Variants in TLN2 observed in about 807,000 individuals in gnomAD.
The protein encoded by TLN2 is talin 2.
TLN2 carries 118 observed loss-of-function variants against 294.7 expected under a neutral mutation model. The ratio of observed to expected loss-of-function variants is 0.40; its 90% CI spans 0.34 to 0.47. The LOEUF (loss-of-function observed/expected upper bound fraction) is 0.47. Among genes scored for constraint, TLN2 ranks in the 20% least tolerant of loss-of-function variants. The pLI is 0.84. For missense variants in TLN2, 3,083 were observed against 3,282.2 expected, an observed-to-expected ratio of 0.94 and a Z score of 1.48; for synonymous variants, 1,431 against 1,304.5, an observed-to-expected ratio of 1.10 and a Z score of -2.09.
Position 62,800,379 on chromosome 15 carries a change from C to A in TLN2, c.6246C>A (p.Ile2082=), listed in dbSNP as rs536257910. 2.5e-6 allele frequency: 4 copies of A among 1,613,814 alleles called. No homozygotes were observed. Among genetic ancestry groups the A allele is most frequent in the Non-Finnish European group, 2.5e-6 (3 of 1,179,974 alleles). ...GTGCTCTCTTTCAGGTGGTTTTGAT[C>A]AATGCCATCAAAGATGTGGCCAAGG... ...SDDPETQVVL[I]NAIKDVAKAL... The change falls in exon 49 of 59, where the codon ATC becomes ATA. Residue 2082 remains isoleucine, a synonymous_variant. Transcript: ENST00000636159.
At chr15:62,821,718 G>C (rs1451198199) in intron 54 of TLN2, among the ~76,000 whole-genome samples, 1 of 152,118 alleles carries the variant, frequency 6.6e-6, no homozygotes, top group Non-Finnish European at 1.5e-5. Context: ...CTGATTGTGG[G>C]GTTTACCAGG....
intron 1 of TLN2, among the ~76,000 whole-genome samples, chr15:62,489,127 C>T (rs537721327): frequency 3.9e-4 from 60 of 152,284 alleles, no homozygotes; most frequent in African/African-American, 1.4e-3. Context: ...TGCCGCTGCA[C>T]TCCAGCCTGG....
Position 62,717,688 on chromosome 15 carries a change from A to C in TLN2, c.2876A>C (p.Lys959Thr). The stretch of plus-strand genomic sequence containing the variant: ...CAGCAGCAGCTGGTCCAGAGTTGCA[A>C]GGTGAGGTTCCAGTGCACAGAGAGC... The part of the protein sequence containing the change: ...AAQQQLVQSC[K>T]AVADHIPQLV... The change falls in exon 24 of 59, where the codon AAG (lysine) becomes ACG (threonine). Residue 959 changes from lysine to threonine, a missense_variant and splice_region_variant. Transcript: ENST00000636159. 2.5e-6 allele frequency: 4 copies of C among 1,574,914 alleles called. No individual in the cohort carries two copies. The highest frequency in any genetic ancestry group is 1.2e-5 in the South Asian group (1 of 83,652).
intron 1 of TLN2, among the ~76,000 whole-genome samples, chr15:62,401,458 G>C (rs560896506): frequency 2.6e-4 from 40 of 152,264 alleles, no homozygotes; most frequent in African/African-American, 9.4e-4. Context: ...GACCTGGAAG[G>C]GAAATTGTCA....
chr15:62,468,744 CA>C (rs72096398), intron 1 of TLN2, among the ~76,000 whole-genome samples: 6 of 116,708 alleles, frequency 5.1e-5, no homozygotes, highest in Non-Finnish European at 5.4e-5. Flanking sequence ...GACTCTGTCT[CA>C]AAAAAAAAAT....
chr15:62,595,412 C>CAAAAAAAAAAAAAA, intron 2 of TLN2, among the ~76,000 whole-genome samples: 1 of 82,186 alleles, frequency 1.2e-5, no homozygotes, highest in Non-Finnish European at 2.4e-5. Context: ...GACTCCGTCT[C>CAAAAAAAAAAAAAA]AAAAAAAAAA....
At chr15:62,620,860 T>C (rs1248274662) in intron 3 of TLN2, among the ~76,000 whole-genome samples, 1 of 68,538 alleles carries the variant, frequency 1.5e-5, no homozygotes, top group African/African-American at 5.1e-5. Flanking sequence ...TTTTTTTTTC[T>C]GAGACGGAGT....
chr15:62,740,155 G>T (rs1350440177), intron 31 of TLN2, among the ~76,000 whole-genome samples: 1 of 151,746 alleles, frequency 6.6e-6, no homozygotes, highest in Non-Finnish European at 1.5e-5. Context: ...AACCGGGTGA[G>T]AAATGTGTGC....
At chr15:62,814,276 CTT>C (rs536019898) in intron 52 of TLN2, among the ~76,000 whole-genome samples, 1 of 152,280 alleles carries the variant, frequency 6.6e-6, no homozygotes, top group Non-Finnish European at 1.5e-5. Context: ...AAGAAAAAGA[CTT>C]ATCATTTGGG....
chr15:62,554,332 C>G (rs189767371), intron 1 of TLN2, among the ~76,000 whole-genome samples: 1 of 148,460 alleles, frequency 6.7e-6, no homozygotes, highest in East Asian at 2.0e-4. Flanking sequence ...TTTCCTTGAT[C>G]TAGTATGAGG....
chr15:62,614,718 G>A (rs905945238), intron 2 of TLN2, among the ~76,000 whole-genome samples: 3 of 152,140 alleles, frequency 2.0e-5, no homozygotes, highest in Admixed American at 6.5e-5. Context: ...AGGCATTTAC[G>A]TTTTGACCTA....
In TLN2 at chr15:62,843,033, G is replaced by GC. The variant is rs2070860993; in HGVS notation, c.*2425dup. ...GGTGTCCTCAGATGGTACTGAGGGG[G>GC]CCTTCTGGTCCTTCAAAGGAAAATA... On this transcript the variant is annotated 3_prime_UTR_variant, in exon 59 of 59. Coordinates refer to ENST00000636159, the MANE Select transcript of TLN2 (RefSeq NM_015059.3). 4.6e-5 allele frequency: 7 copies of GC among 152,236 alleles called. 1 individual carries two copies. In the South Asian group the frequency reaches 1.4e-3, roughly 31 times the overall value. The allele number at this position is 152,236 out of a possible 1,614,324, so 9.4% of individuals were successfully genotyped here. A position where few individuals can be genotyped will look rare whatever the true frequency, so the allele number is the denominator to read the frequency against.
intron 28 of TLN2, chr15:62,734,223 G>A (rs1326913294): frequency 6.6e-6 from 1 of 152,166 alleles, no homozygotes; most frequent in African/African-American, 2.4e-5. Flanking sequence ...GCATAAACAT[G>A]TCTTTTCTAA....
chr15:62,560,633 C>G (rs778055598), intron 1 of TLN2, among the ~76,000 whole-genome samples: 3 of 152,206 alleles, frequency 2.0e-5, no homozygotes, highest in Non-Finnish European at 4.4e-5. Flanking sequence ...GCCAATACCC[C>G]ATGTTTTGAT....
rs780803268 is a variant in TLN2, at chr15:62,414,164, C to CTATATATATATA, written c.-238+23496_-238+23507dup. On this transcript the variant is annotated intron_variant, in intron 1 of 58. Coordinates refer to ENST00000636159, the MANE Select transcript of TLN2 (RefSeq NM_015059.3). ...AGTGAAGTGTTAGCAAAAAAAAAAA[C>CTATATATATATA]TATATATATATATATATATATATAT... 1.4e-3 allele frequency among the ~76,000 whole-genome samples: 123 copies of CTATATATATATA among 90,606 alleles called. 7 individuals are homozygous for CTATATATATATA. The highest frequency in any genetic ancestry group is 5.7e-3 in the South Asian group (9 of 1,584). The allele number at this position is 90,606 out of a possible 152,430, so 59.4% of individuals were successfully genotyped here.
intron 1 of TLN2, among the ~76,000 whole-genome samples, chr15:62,442,739 G>T (rs933903533): frequency 2.0e-5 from 3 of 152,054 alleles, no homozygotes; most frequent in Admixed American, 2.0e-4. Flanking sequence ...ACATTTTGCT[G>T]CTGTAACAAA....
At chr15:62,601,047 G>C (rs1243883611) in intron 2 of TLN2, among the ~76,000 whole-genome samples, 1 of 151,878 alleles carries the variant, frequency 6.6e-6, no homozygotes, top group Non-Finnish European at 1.5e-5. Flanking sequence ...TTCGTCTTTG[G>C]GCTTCTTCTC....
At chr15:62,430,593 G>T (rs1296746036) in intron 1 of TLN2, among the ~76,000 whole-genome samples, 1 of 152,160 alleles carries the variant, frequency 6.6e-6, no homozygotes, top group Non-Finnish European at 1.5e-5. Context: ...CTTTAATTCT[G>T]CAGGAGTTCA....
chr15:62,766,563 A>G, intron 41 of TLN2, 141 bp downstream of exon 41: 1 of 690,172 alleles, frequency 1.4e-6, no homozygotes, highest in South Asian at 2.2e-5. Flanking sequence ...AGCTGCAGAA[A>G]ATAACACTGA....
Sources: gnomAD v4.1 joint callset for allele counts (sites outside exome capture counted in the v4.1 genomes callset) on GRCh38, gnomAD v4.1.1 for gene constraint, MANE v1.5 for transcripts, NCBI Gene and HGNC (gene_info 2026-07-23, HGNC 2026-07-21) for gene names.